The following CHCHD3 variants were observed in gnomAD, a reference collection of about 807,000 sequenced individuals.
The protein encoded by CHCHD3 is coiled-coil-helix-coiled-coil-helix domain containing 3.
CHCHD3 carries 20 observed loss-of-function variants against 38.2 expected under a neutral mutation model. That is an observed-to-expected ratio of 0.52 (90% CI 0.37 to 0.76). CHCHD3 has a LOEUF of 0.76. Among genes scored for constraint, CHCHD3 ranks in the 30% least tolerant of loss-of-function variants. The pLI is 0.00. For synonymous variants in CHCHD3, 82 were observed against 100.0 expected, an observed-to-expected ratio of 0.82 and a Z score of 1.07; for missense variants, 245 against 279.2, an observed-to-expected ratio of 0.88 and a Z score of 0.87.
intron 6 of CHCHD3, among the ~76,000 whole-genome samples, chr7:132,799,278 C>T (rs1701610572): frequency 6.6e-6 from 1 of 152,090 alleles, no homozygotes; most frequent in Non-Finnish European, 1.5e-5. Flanking sequence ...TGGGAAAATG[C>T]TAAATGAGAT....
chr7:132,837,538 A>G (rs570051919), intron 6 of CHCHD3, among the ~76,000 whole-genome samples: 19 of 152,346 alleles, frequency 1.2e-4, no homozygotes, highest in African/African-American at 4.3e-4. Flanking sequence ...TCCACATTAC[A>G]ATAACACTAA....
chr7:133,060,580 A>G (rs879569024), intron 2 of CHCHD3, among the ~76,000 whole-genome samples: 3 of 152,190 alleles, frequency 2.0e-5, no homozygotes, highest in Non-Finnish European at 4.4e-5. Context: ...TAGAAGGTGG[A>G]ACAGTATTCA....
intron 6 of CHCHD3, among the ~76,000 whole-genome samples, chr7:132,831,928 C>T (rs142854876): frequency 6.7e-4 from 102 of 152,186 alleles, no homozygotes; most frequent in Non-Finnish European, 1.2e-3. Flanking sequence ...TGTAATTATA[C>T]AGAACATGAG....
intron 4 of CHCHD3, among the ~76,000 whole-genome samples, chr7:132,917,482 T>C (rs1409627290): frequency 6.6e-6 from 1 of 152,228 alleles, no homozygotes; most frequent in Non-Finnish European, 1.5e-5. Context: ...GGATCTTTCC[T>C]ATATATTTAA....
At chr7:132,827,061 T>A (rs750078162) in intron 6 of CHCHD3, among the ~76,000 whole-genome samples, 5 of 152,172 alleles carry the variant, frequency 3.3e-5, no homozygotes, top group Non-Finnish European at 7.4e-5. Flanking sequence ...CAAATTCTAA[T>A]GAAAAAAATA....
At chr7:132,861,826 C>T (rs892907989) in intron 5 of CHCHD3, among the ~76,000 whole-genome samples, 4 of 152,102 alleles carry the variant, frequency 2.6e-5, no homozygotes, top group Non-Finnish European at 5.9e-5. Context: ...TTTCCCCAAC[C>T]ATTTAAAAAT....
intron 6 of CHCHD3, among the ~76,000 whole-genome samples, chr7:132,799,980 A>G (rs111921686): frequency 2.0e-5 from 3 of 152,274 alleles, no homozygotes; most frequent in African/African-American, 7.2e-5. Flanking sequence ...TGGAGTCCCA[A>G]AGATTTGACC....
chr7:132,979,430 A>G (rs1811859936), intron 3 of CHCHD3, among the ~76,000 whole-genome samples: 1 of 152,226 alleles, frequency 6.6e-6, no homozygotes, highest in Non-Finnish European at 1.5e-5. Context: ...CAAGAGACAC[A>G]GTCCCTACTT....
intron 5 of CHCHD3, among the ~76,000 whole-genome samples, chr7:132,840,385 T>A (rs1479039221): frequency 6.6e-6 from 1 of 152,244 alleles, no homozygotes; most frequent in Non-Finnish European, 1.5e-5. Flanking sequence ...CTGAACTATC[T>A]ACTAAAATGC....
chr7:133,075,408 C>A (rs1814950566), intron 1 of CHCHD3, among the ~76,000 whole-genome samples: 1 of 152,222 alleles, frequency 6.6e-6, no homozygotes, highest in South Asian at 2.1e-4. Flanking sequence ...AAGCAGCACC[C>A]ATGGCCATCT....
chr7:133,022,481 T>C (rs1813211848), intron 3 of CHCHD3: 2 of 456,592 alleles, frequency 4.4e-6, no homozygotes, highest in African/African-American at 4.0e-5. Context: ...TAATGCTGTT[T>C]CTGAAGTTTC....
intron 2 of CHCHD3, among the ~76,000 whole-genome samples, chr7:133,049,373 G>C (rs1273301216): frequency 6.6e-6 from 1 of 152,192 alleles, no homozygotes; most frequent in African/African-American, 2.4e-5. Flanking sequence ...ATCTGATTCA[G>C]ATTCAAGATG....
At chr7:132,877,756 A>C (rs895504295) in intron 5 of CHCHD3, among the ~76,000 whole-genome samples, 1 of 135,512 alleles carries the variant, frequency 7.4e-6, no homozygotes, top group African/African-American at 2.8e-5. Context: ...CTCGGTAACT[A>C]TAGAAACCAC....
intron 2 of CHCHD3, among the ~76,000 whole-genome samples, chr7:133,068,034 T>A (rs1210224777): frequency 6.6e-6 from 1 of 151,750 alleles, no homozygotes; most frequent in African/African-American, 2.4e-5. Context: ...GAGAATGGCA[T>A]GAACCCAGGA....
chr7:133,013,226 T>C (rs1812933554), intron 3 of CHCHD3, among the ~76,000 whole-genome samples: 1 of 136,084 alleles, frequency 7.3e-6, no homozygotes, highest in South Asian at 2.5e-4. Flanking sequence ...AGACATATAA[T>C]AGGTAACATT....
chr7:132,920,107 C>T lies in CHCHD3; in HGVS notation c.370-34362G>A, dbSNP rs185204784. ...AACATGAGTAGTCCATGGAGCAGGG[C>T]TGTATAAATGAATACACAAAGAACA... is the stretch of plus-strand genomic sequence containing the variant. On this transcript the variant is annotated intron_variant, in intron 4 of 7. Transcript: ENST00000262570. Among the ~76,000 whole-genome samples, 3 of 152,264 alleles carry T rather than the reference C, an allele frequency of 2.0e-5. No homozygotes were observed. In the East Asian group the frequency reaches 5.8e-4, roughly 29 times the overall value.
intron 2 of CHCHD3, among the ~76,000 whole-genome samples, chr7:133,026,897 G>A (rs1813354322): frequency 6.6e-6 from 1 of 151,936 alleles, no homozygotes. Flanking sequence ...GACAGCTAAT[G>A]GGTATGGAAT....
intron 4 of CHCHD3, among the ~76,000 whole-genome samples, chr7:132,950,556 C>A (rs1220406358): frequency 6.6e-6 from 1 of 152,156 alleles, no homozygotes; most frequent in Non-Finnish European, 1.5e-5. Context: ...GTATGTAAGA[C>A]AGCCAACGGG....
chr7:132,969,141 CTT>C (rs74313531), intron 4 of CHCHD3, among the ~76,000 whole-genome samples: 1 of 139,856 alleles, frequency 7.2e-6, no homozygotes, highest in Non-Finnish European at 1.6e-5. Context: ...TTCACCCATC[CTT>C]TTTTTTTTTA....
Sources: allele counts gnomAD v4.1 joint callset (sites outside exome capture counted in the v4.1 genomes callset), GRCh38; gene constraint gnomAD v4.1.1; transcripts MANE v1.5; gene names NCBI Gene and HGNC (gene_info 2026-07-23, HGNC 2026-07-21).